The following ENTPD7 variants were observed in gnomAD, a reference collection of about 807,000 sequenced individuals.
The protein encoded by ENTPD7 is NTPDase 7.
A neutral mutation model predicts 77.9 loss-of-function variants in ENTPD7; 53 were observed. The ratio of observed to expected loss-of-function variants is 0.68; its 90% CI spans 0.55 to 0.85. ENTPD7 has a LOEUF of 0.85. Among genes scored for constraint, ENTPD7 ranks in the 40% least tolerant of loss-of-function variants. The probability of loss-of-function intolerance (pLI) is 0.00; values close to 1 mark genes in which losing one functional copy is unlikely to be tolerated. For missense variants in ENTPD7, 636 were observed against 743.7 expected (o/e 0.86, Z 1.68); for synonymous variants, 248 against 274.9 (o/e 0.90, Z 0.97).
In ENTPD7 at chr10:99,702,556, A is replaced by C; in HGVS notation, c.1466A>C (p.Glu489Ala). Residue 489 changes from glutamate to alanine, a missense_variant, in exon 12 of 13, where the codon GAA (glutamate) becomes GCA (alanine). This residue lies in a region of ENTPD7 where 138 missense variants were observed against 150.9 expected (regional missense o/e 0.91). Transcript: ENST00000370489. ...GCTTGGATGTACCAAGTCTTACATGAAGGATTCCACTTTCCCTATGACTAC... is the reference window on the plus strand; with the variant it reads ...GCTTGGATGTACCAAGTCTTACATGCAGGATTCCACTTTCCCTATGACTAC... ...KSAWMYQVLH[E>A]GFHFPYDYPN... is the part of the protein sequence containing the mutation. 6.2e-7 allele frequency: 1 copy of C among 1,610,654 alleles called. No individual in the cohort carries two copies. The highest frequency in any genetic ancestry group is 1.1e-5 in the South Asian group (1 of 90,316).
Position 99,698,624 on chromosome 10 carries a change from C to T in ENTPD7, c.1101C>T (p.Asn367=), listed in dbSNP as rs972834758. The change falls in exon 10 of 13, where the codon AAC becomes AAT. Residue 367 remains asparagine (N), a synonymous_variant. Transcript: ENST00000370489. ...PVGLTDVVER[N]SQVLHVRGRG... The stretch of plus-strand genomic sequence containing the variant: ...GACTCACAGATGTGGTGGAGAGGAA[C>T]AGCCAAGTCTTACATGTCCGAGGAA... 2 of 1,614,196 alleles carry T rather than the reference C, an allele frequency of 1.2e-6. No homozygotes were observed. The highest frequency in any genetic ancestry group is 1.6e-4 in the Middle Eastern group (1 of 6,062).
In ENTPD7 at chr10:99,702,590, G is replaced by A; in HGVS notation, c.1500G>A (p.Leu500=). 6.2e-7 allele frequency: 1 copy of A among 1,613,570 alleles called. No homozygotes were observed. Among genetic ancestry groups the A allele is most frequent in the South Asian group, 1.1e-5 (1 of 90,912 alleles). Residue 500 remains leucine (L), a synonymous_variant, in exon 12 of 13, where the codon CTG becomes CTA. Transcript: ENST00000370489. ...GFHFPYDYPN[L]RTAQLVYDRE... ...ACTTTCCCTATGACTACCCAAACCT[G>A]CGGACAGCCCAGCTGGTGTATGACC...
In ENTPD7 at chr10:99,698,789, T is replaced by G; in HGVS notation, c.1266T>G (p.Phe422Leu). ...AGTTCTACGGCTTCTCTGAGTTTTT[T>G]TATTGTACAGAGGATGTGTTGCGCA... is the stretch of plus-strand genomic sequence containing the variant. ...NSEFYGFSEF[F>L]YCTEDVLRIG... Residue 422 changes from phenylalanine to leucine, a missense_variant, in exon 10 of 13, where the codon TTT becomes TTG. This residue lies in a region of ENTPD7 where 486 missense variants were observed against 556.5 expected (regional missense o/e 0.87). Coordinates refer to ENST00000370489, the MANE Select transcript of ENTPD7 (RefSeq NM_020354.5). The G allele has an allele frequency of 6.2e-7, 1 of 1,614,222 alleles. No homozygotes were observed. The highest frequency in any genetic ancestry group is 8.5e-7 in the Non-Finnish European group (1 of 1,180,042).
rs1371713178 is a variant in ENTPD7 at position 99,708,009 on chromosome 10, A to G, written c.*3326A>G. Among the ~76,000 whole-genome samples, 1 of 152,160 alleles carries G rather than the reference A, an allele frequency of 6.6e-6. No individual in the cohort carries two copies. The highest frequency in any genetic ancestry group is 1.5e-5 in the Non-Finnish European group (1 of 68,030). ...GTACAGATCCCATCACCAGGTGGTG[A>G]GCATAGTACCTAACAGATAGTTCTT... is the stretch of plus-strand genomic sequence containing the variant. On this transcript the variant is annotated 3_prime_UTR_variant, in exon 13 of 13. Transcript: ENST00000370489.
At chr10:99,693,569 G>A (rs950687490) in intron 8 of ENTPD7, among the ~76,000 whole-genome samples, 2 of 152,164 alleles carry the variant, frequency 1.3e-5, no homozygotes, top group African/African-American at 4.8e-5. Flanking sequence ...AAAGGAACAT[G>A]GTTATGGAAA....
At chr10:99,661,745 C>A (rs2035490109) in intron 3 of ENTPD7, 117 bp downstream of exon 3, 4 of 867,050 alleles carry the variant, frequency 4.6e-6, no homozygotes, top group Non-Finnish European at 6.6e-6. Flanking sequence ...AAATTGCATG[C>A]CATTTATTAC....
chr10:99,670,917 C>T (rs1160988499), intron 3 of ENTPD7, among the ~76,000 whole-genome samples: 33 of 151,988 alleles, frequency 2.2e-4, no homozygotes, highest in Non-Finnish European at 1.5e-4. Context: ...ACTTGGGTGG[C>T]GGAGGCGGGA....
intron 7 of ENTPD7, among the ~76,000 whole-genome samples, chr10:99,690,409 CAT>C (rs1372951324): frequency 2.0e-5 from 3 of 152,102 alleles, no homozygotes; most frequent in African/African-American, 7.2e-5. Context: ...ATTTCTGACT[CAT>C]ATGTAAGATT....
At chr10:99,685,564 G>A (rs1422773131) in intron 5 of ENTPD7, among the ~76,000 whole-genome samples, 1 of 152,064 alleles carries the variant, frequency 6.6e-6, no homozygotes, top group Non-Finnish European at 1.5e-5. Flanking sequence ...CATCATATAA[G>A]GGGAAAGTAT....
chr10:99,667,303 G>A (rs2035561997), intron 3 of ENTPD7, among the ~76,000 whole-genome samples: 1 of 152,162 alleles, frequency 6.6e-6, no homozygotes, highest in Non-Finnish European at 1.5e-5. Context: ...AACATTTATT[G>A]AGGGTTTGCT....
Position 99,707,799 on chromosome 10 carries a change from G to A in ENTPD7, c.*3116G>A, listed in dbSNP as rs936595983. ...AAAAATATGTAAAATACCCATTTAT[G>A]TGGCATTTCATTCACTTAAGTTGCA... On this transcript the variant is annotated 3_prime_UTR_variant, in exon 13 of 13. Coordinates refer to ENST00000370489, the MANE Select transcript of ENTPD7 (RefSeq NM_020354.5). Among the ~76,000 whole-genome samples the A allele has an allele frequency of 6.6e-6, 1 of 152,162 alleles. No homozygotes were observed. The highest frequency in any genetic ancestry group is 1.5e-5 in the Non-Finnish European group (1 of 68,024).
At chr10:99,660,991 A>G (rs1017647581) in intron 2 of ENTPD7, among the ~76,000 whole-genome samples, 6 of 152,196 alleles carry the variant, frequency 3.9e-5, no homozygotes, top group African/African-American at 1.4e-4. Flanking sequence ...GGTCAGGGCA[A>G]GAATCACTTT....
At chr10:99,700,186 C>G (rs1324160279) in intron 10 of ENTPD7, among the ~76,000 whole-genome samples, 2 of 152,132 alleles carry the variant, frequency 1.3e-5, no homozygotes, top group Non-Finnish European at 2.9e-5. Flanking sequence ...CCCTTGAACA[C>G]CAAAAGGCTC....
rs1261921927 is a variant in ENTPD7 at position 99,708,893 on chromosome 10, AT to A, written c.*4216del. 1.0e-5 allele frequency: 10 copies of A among 985,266 alleles called. No homozygotes were observed. Among genetic ancestry groups the A allele is most frequent in the Non-Finnish European group, 1.2e-5 (10 of 829,910 alleles). The allele number at this position is 985,266 out of a possible 1,614,324, so 61.0% of individuals were successfully genotyped here. On this transcript the variant is annotated 3_prime_UTR_variant, in exon 13 of 13. Coordinates refer to ENST00000370489, the MANE Select transcript of ENTPD7 (RefSeq NM_020354.5). ...CTTTCTGCAAGTATAAACAGAATCTATTTTTTATAAAACAGCTGGCCACAAC... is the reference window on the plus strand; with the variant it reads ...CTTTCTGCAAGTATAAACAGAATCTATTTTTATAAAACAGCTGGCCACAAC...
At chr10:99,692,622 C>T (rs2035901437) in intron 8 of ENTPD7, among the ~76,000 whole-genome samples, 1 of 151,688 alleles carries the variant, frequency 6.6e-6, no homozygotes, top group Non-Finnish European at 1.5e-5. Context: ...GCACAGAGGC[C>T]AGAATGTCCA....
At chr10:99,682,473 G>A (rs2035765694) in intron 5 of ENTPD7, among the ~76,000 whole-genome samples, 1 of 152,000 alleles carries the variant, frequency 6.6e-6, no homozygotes, top group Non-Finnish European at 1.5e-5. Flanking sequence ...ATACATTTCA[G>A]TCTTTAAAAA....
At chr10:99,665,244 C>A (rs150536224) in intron 3 of ENTPD7, among the ~76,000 whole-genome samples, 1,825 of 121,168 alleles carry the variant, frequency 0.015, 46 homozygotes, top group African/African-American at 0.054. Context: ...CAGAGTGAGA[C>A]CCTGTCTCAA....
intron 3 of ENTPD7, among the ~76,000 whole-genome samples, chr10:99,666,610 C>A (rs80354784): frequency 0.032 from 4,817 of 152,134 alleles, 236 homozygotes; most frequent in African/African-American, 0.11. Context: ...TAGAGATGCT[C>A]CTTGACTTAT....
rs182533457 is a variant in ENTPD7, at chr10:99,710,467, A to G, written c.*5784A>G. 3.0e-6 allele frequency: 3 copies of G among 985,394 alleles called. No homozygotes were observed. Among genetic ancestry groups the G allele is most frequent in the Non-Finnish European group, 3.6e-6 (3 of 829,900 alleles). 61.0% of individuals were successfully genotyped at this position (985,394 alleles called of 1,614,324 possible). ...TATGATCTACACTTTAAAAAACCAAAGGCTGCCTGTATTACATTGCTTTGG... is the reference window on the plus strand; with the variant it reads ...TATGATCTACACTTTAAAAAACCAAGGGCTGCCTGTATTACATTGCTTTGG... On this transcript the variant is annotated 3_prime_UTR_variant, in exon 13 of 13. Transcript: ENST00000370489.
Sources: allele counts gnomAD v4.1 joint callset (sites outside exome capture counted in the v4.1 genomes callset), GRCh38; gene constraint gnomAD v4.1.1; regional missense constraint gnomAD v4.1.1; transcripts MANE v1.5; gene names NCBI Gene and HGNC (gene_info 2026-07-23, HGNC 2026-07-21).